Variants in IQSEC1 observed in about 807,000 individuals in gnomAD.
IQSEC1 encodes IQ motif and Sec7 domain ArfGEF 1, also known as IQ motif and SEC7 domain-containing protein 1.
A neutral mutation model predicts 91.0 loss-of-function variants in IQSEC1; 31 were observed. The observed-to-expected ratio is 0.34, with a 90% CI of 0.26 to 0.46. The LOEUF (loss-of-function observed/expected upper bound fraction) is 0.46, where lower values mean the gene tolerates loss of function less well. Ranked by LOEUF, IQSEC1 falls within the 20% of genes least tolerant of loss-of-function variation. The probability of loss-of-function intolerance (pLI) is 1.00; values close to 1 mark genes in which losing one functional copy is unlikely to be tolerated. For synonymous variants in IQSEC1, 699 were observed against 662.6 expected, an observed-to-expected ratio of 1.05 and a Z score of -0.84; for missense variants, 1,388 against 1,575.6, an observed-to-expected ratio of 0.88 and a Z score of 2.02.
chr3:13,021,351 A>G (rs1703390508), intron 1 of IQSEC1, among the ~76,000 whole-genome samples: 1 of 152,118 alleles, frequency 6.6e-6, no homozygotes, highest in African/African-American at 2.4e-5. Context: ...GCCATTCCAG[A>G]TACCCCCACC....
At position 13,259,965 on chromosome 3, in the gene IQSEC1, C is replaced by T. The variant is rs547942972; in HGVS notation, c.272+22746G>A. 1.4e-4 allele frequency among the ~76,000 whole-genome samples: 22 copies of T among 152,372 alleles called. No homozygotes were observed. In the East Asian group the frequency reaches 3.3e-3, roughly 23 times the overall value. The stretch of plus-strand genomic sequence containing the variant: ...TCAAAATATGACTAATTAGAACAGT[C>T]GTGCTGGCAGGCAGACTTCTGCAAG... On this transcript the variant is annotated intron_variant, in intron 1 of 15. Transcript: ENST00000648114. This position sits in a 1 kb window ranked among gnomAD's most constrained non-coding sequence, Gnocchi z 4.6.
Position 12,939,119 on chromosome 3 carries a change from G to T in IQSEC1, c.319-2422C>A, listed in dbSNP as rs1006635948. ...ACCTCACAGCAGCTTCTGCTCTCCC[G>T]AGGGGTTTCACTACCCCACTTCTCA... On this transcript the variant is annotated intron_variant, in intron 2 of 13. Coordinates refer to ENST00000613206, the MANE Select transcript of IQSEC1 (RefSeq NM_001134382.3). Among the ~76,000 whole-genome samples the T allele has an allele frequency of 5.3e-5, 8 of 152,288 alleles. No homozygotes were observed. The South Asian group carries it at 1.7e-3, about 32-fold the overall frequency.
intron 1 of IQSEC1, among the ~76,000 whole-genome samples, chr3:13,054,862 C>T (rs560688966): frequency 6.6e-6 from 1 of 152,346 alleles, no homozygotes; most frequent in South Asian, 2.1e-4. Context: ...GCCACATGAC[C>T]CCGCCTGAGC....
intron 1 of IQSEC1, among the ~76,000 whole-genome samples, chr3:12,984,555 C>T (rs1284553821): frequency 6.6e-6 from 1 of 152,188 alleles, no homozygotes; most frequent in African/African-American, 2.4e-5. Flanking sequence ...CCAAGACCAA[C>T]AGTGAATGCT....
intron 1 of IQSEC1, among the ~76,000 whole-genome samples, chr3:12,951,914 C>T (rs952896994): frequency 2.0e-5 from 3 of 152,130 alleles, no homozygotes; most frequent in African/African-American, 4.8e-5. Flanking sequence ...AGCCTCCAGA[C>T]GCTGCCAAGG....
At position 12,902,252 on chromosome 3, in the gene IQSEC1, T is replaced by TCCC. The variant is rs1339174213; in HGVS notation, c.2805+518_2805+520dup. 2.6e-4 allele frequency among the ~76,000 whole-genome samples: 39 copies of TCCC among 152,124 alleles called. 1 individual carries two copies. Among genetic ancestry groups the TCCC allele is most frequent in the African/African-American group, 8.9e-4 (37 of 41,470 alleles). ...TCTCTTTCTCTCAAGACACTCCTCC[T>TCCC]CCCACAAGCTAAGCAATTCCATGGT... is the stretch of plus-strand genomic sequence containing the variant. On this transcript the variant is annotated intron_variant, in intron 13 of 13. Transcript: ENST00000613206.
At chr3:13,133,466 G>A (rs752440154) in intron 2 of IQSEC1, among the ~76,000 whole-genome samples, 1 of 152,174 alleles carries the variant, frequency 6.6e-6, no homozygotes, top group Non-Finnish European at 1.5e-5. Flanking sequence ...CCACGGAAAT[G>A]TCAGCGAGGC....
chr3:12,944,042 G>C (rs1698998170), intron 1 of IQSEC1, among the ~76,000 whole-genome samples: 1 of 152,184 alleles, frequency 6.6e-6, no homozygotes, highest in African/African-American at 2.4e-5. Context: ...GCCCTCTGTG[G>C]CTCTGCCCTC....
At chr3:13,056,571 A>G (rs1191529074) in intron 1 of IQSEC1, among the ~76,000 whole-genome samples, 1 of 152,088 alleles carries the variant, frequency 6.6e-6, no homozygotes, top group Non-Finnish European at 1.5e-5. Flanking sequence ...AAGCCTCCTC[A>G]GCAGATACAC....
At chr3:13,192,451 C>T (rs770921488) in intron 1 of IQSEC1, among the ~76,000 whole-genome samples, 1 of 152,012 alleles carries the variant, frequency 6.6e-6, no homozygotes, top group Non-Finnish European at 1.5e-5. Context: ...CTGTCTATAA[C>T]GCGAGGGAAG....
At chr3:13,055,522 T>A (rs76037869) in intron 1 of IQSEC1, among the ~76,000 whole-genome samples, 1 of 152,174 alleles carries the variant, frequency 6.6e-6, no homozygotes, top group African/African-American at 2.4e-5. Flanking sequence ...ACTTTACAGA[T>A]GTGAAAACGG....
chr3:12,955,779 G>C (rs973867693), intron 1 of IQSEC1, among the ~76,000 whole-genome samples: 2 of 152,172 alleles, frequency 1.3e-5, no homozygotes, highest in African/African-American at 2.4e-5. Flanking sequence ...AGGGACCCTC[G>C]GCCTTGCCCC....
intron 2 of IQSEC1, among the ~76,000 whole-genome samples, chr3:13,114,174 G>C (rs1247299510): frequency 6.6e-6 from 1 of 152,238 alleles, no homozygotes; most frequent in Non-Finnish European, 1.5e-5. Flanking sequence ...GCTTGAATGA[G>C]TCTGAAGGAG....
chr3:13,015,639 G>GC (rs1276766772), intron 1 of IQSEC1: 1 of 985,222 alleles, frequency 1.0e-6, no homozygotes, highest in Non-Finnish European at 1.2e-6. Flanking sequence ...TGCCTCTGCG[G>GC]CCCCGGGGGA....
Position 12,908,326 on chromosome 3 carries a change from G to A in IQSEC1, c.2755+23C>T, listed in dbSNP as rs780718107. 6.2e-7 allele frequency: 1 copy of A among 1,609,290 alleles called. No homozygotes were observed. The highest frequency in any genetic ancestry group is 1.7e-5 in the Admixed American group (1 of 59,928). On this transcript the variant is annotated intron_variant, in intron 12 of 13. Transcript: ENST00000613206. The surrounding 1 kb of genome is among the most constrained non-coding windows in gnomAD (Gnocchi z 4.9). ...GTCTTGCATGCGCTGGGCTAGCAAG[G>A]TGGTTCTAGGCCAAGCTCTTACCGG...
intron 1 of IQSEC1, among the ~76,000 whole-genome samples, chr3:13,176,676 A>G (rs951020609): frequency 1.1e-4 from 17 of 152,192 alleles, no homozygotes; most frequent in Non-Finnish European, 1.5e-4. Context: ...GCATGTGGAC[A>G]CCACACCAAA....
At chr3:13,093,140 C>T (rs1705892271) in intron 2 of IQSEC1, among the ~76,000 whole-genome samples, 1 of 152,176 alleles carries the variant, frequency 6.6e-6, no homozygotes, top group Non-Finnish European at 1.5e-5. Flanking sequence ...CTGCCCAGGG[C>T]ACAGTCTGTG....
chr3:13,189,785 G>C (rs1693991351), intron 1 of IQSEC1, among the ~76,000 whole-genome samples: 1 of 152,104 alleles, frequency 6.6e-6, no homozygotes. Context: ...TGTTCCCCCA[G>C]GTCTCAGCTC....
In IQSEC1 at chr3:12,970,708, G is replaced by C. The variant is rs1052170122; in HGVS notation, c.24-28843C>G. ...GTTCCCCACACTCCCCACTGTGCCTGGCTCACAGCTAGGACCTTGGTTTTC... is the reference window on the plus strand; with the variant it reads ...GTTCCCCACACTCCCCACTGTGCCTCGCTCACAGCTAGGACCTTGGTTTTC... On this transcript the variant is annotated intron_variant, in intron 1 of 13. Transcript: ENST00000613206. The surrounding 1 kb of genome is among the most constrained non-coding windows in gnomAD (Gnocchi z 4.4). Among the ~76,000 whole-genome samples the C allele has an allele frequency of 3.9e-5, 6 of 152,150 alleles. No homozygotes were observed. Among genetic ancestry groups the C allele is most frequent in the African/African-American group, 1.2e-4 (5 of 41,408 alleles).
Sources: gnomAD v4.1 joint callset for allele counts (sites outside exome capture counted in the v4.1 genomes callset) on GRCh38, gnomAD v4.1.1 for gene constraint, Gnocchi (gnomAD v3.1) non-coding constraint, MANE v1.5 for transcripts, NCBI Gene and HGNC (gene_info 2026-07-23, HGNC 2026-07-21) for gene names.